The following ACACA variants were observed in gnomAD, a reference collection of about 807,000 sequenced individuals.
The protein encoded by ACACA is acetyl-CoA carboxylase 1.
In ACACA, 103 loss-of-function variants were observed where a neutral mutation model predicts 296.1. The ratio of observed to expected loss-of-function variants is 0.35; its 90% CI spans 0.30 to 0.41. The LOEUF is 0.41. ACACA is among the 10% of genes least tolerant of loss of function. The pLI is 1.00. For synonymous variants in ACACA, 953 were observed against 1,038.6 expected, an observed-to-expected ratio of 0.92 and a Z score of 1.58; for missense variants, 1,554 against 2,989.7, an observed-to-expected ratio of 0.52 and a Z score of 11.20.
rs1312079133 is a variant in ACACA at position 37,390,307 on chromosome 17, T to TATATA, written c.38+15950_38+15954dup. 4.7e-5 allele frequency among the ~76,000 whole-genome samples: 2 copies of TATATA among 42,972 alleles called. 1 individual carries two copies. The highest frequency in any genetic ancestry group is 6.8e-5 in the Non-Finnish European group (2 of 29,336). The allele number at this position is 42,972 out of a possible 152,430, so 28.2% of individuals were successfully genotyped here. ...TATAATTATATATTATACATAATTA[T>TATATA]ATATATATATATATATATATATATA... On this transcript the variant is annotated intron_variant, in intron 1 of 55. Coordinates refer to ENST00000616317, the MANE Select transcript of ACACA (RefSeq NM_198834.3).
intron 14 of ACACA, among the ~76,000 whole-genome samples, chr17:37,254,886 A>G (rs2081158363): frequency 6.6e-6 from 1 of 151,964 alleles, no homozygotes; most frequent in Non-Finnish European, 1.5e-5. Flanking sequence ...AAAAAAGAAT[A>G]AATGAATGAA....
intron 1 of ACACA, among the ~76,000 whole-genome samples, chr17:37,361,528 G>C (rs2049404823): frequency 6.6e-6 from 1 of 151,954 alleles, no homozygotes; most frequent in South Asian, 2.1e-4. Context: ...AGAAGCTACA[G>C]TGAAAAAAAA....
chr17:37,280,009 G>A (rs552209411), intron 5 of ACACA, among the ~76,000 whole-genome samples: 6 of 152,008 alleles, frequency 3.9e-5, no homozygotes, highest in African/African-American at 9.7e-5. Context: ...GTCTCTGTAC[G>A]GCTGTCCAAT....
intron 52 of ACACA, among the ~76,000 whole-genome samples, chr17:37,110,944 A>C (rs2073940742): frequency 6.6e-6 from 1 of 152,166 alleles, no homozygotes; most frequent in Admixed American, 6.5e-5. Flanking sequence ...CCTATGTTCA[A>C]ATTGCCAAGT....
intron 45 of ACACA, among the ~76,000 whole-genome samples, chr17:37,145,762 A>G (rs1479807684): frequency 6.6e-6 from 1 of 152,258 alleles, no homozygotes; most frequent in South Asian, 2.1e-4. Flanking sequence ...CTGAATTTCA[A>G]GCAAACCCAC....
chr17:37,116,796 C>G (rs1041706074), intron 50 of ACACA, among the ~76,000 whole-genome samples: 4 of 152,166 alleles, frequency 2.6e-5, no homozygotes, highest in African/African-American at 9.7e-5. Context: ...GAAATCCCTT[C>G]GTATTTAAGA....
At chr17:37,374,491 T>C (rs2049922707) in intron 1 of ACACA, among the ~76,000 whole-genome samples, 1 of 152,086 alleles carries the variant, frequency 6.6e-6, no homozygotes, top group African/African-American at 2.4e-5. Flanking sequence ...TTCTCCATGT[T>C]GGTCAGGCTG....
chr17:37,274,168 T>A (rs1443090349), intron 9 of ACACA, 25 bp downstream of exon 9: 1 of 1,578,104 alleles, frequency 6.3e-7, no homozygotes, highest in Admixed American at 1.7e-5. Context: ...CTGAAAGGTA[T>A]CACTCCCTGG....
intron 3 of ACACA, among the ~76,000 whole-genome samples, chr17:37,289,161 G>T (rs2082929127): frequency 6.6e-6 from 1 of 151,950 alleles, no homozygotes; most frequent in African/African-American, 2.4e-5. Flanking sequence ...TACTTGGGAG[G>T]CTGAGCAGGA....
At chr17:37,200,389 T>C (rs202210071) in intron 34 of ACACA, 38 bp downstream of exon 34, 2 of 1,550,412 alleles carry the variant, frequency 1.3e-6, no homozygotes, top group East Asian at 2.2e-5. Context: ...AGCAGCAGCA[T>C]AAGAAATATT....
chr17:37,252,558 A>G (rs1187045948), intron 15 of ACACA, among the ~76,000 whole-genome samples: 1 of 152,238 alleles, frequency 6.6e-6, no homozygotes, highest in Non-Finnish European at 1.5e-5. Context: ...CTTGATCTAA[A>G]TGAGGCCTCT....
intron 1 of ACACA, among the ~76,000 whole-genome samples, chr17:37,359,913 TAAG>T (rs1275160733): frequency 4.6e-5 from 7 of 151,740 alleles, no homozygotes; most frequent in African/African-American, 1.7e-4. Flanking sequence ...CGAAGCTCAG[TAAG>T]AAGGGGAATG....
At chr17:37,365,185 C>T (rs1355088439) in intron 1 of ACACA, among the ~76,000 whole-genome samples, 4 of 152,148 alleles carry the variant, frequency 2.6e-5, no homozygotes, top group African/African-American at 9.7e-5. Context: ...TCTCAAACAC[C>T]TGACCTCAAA....
At chr17:37,356,527 T>C (rs1000261654) in intron 1 of ACACA, among the ~76,000 whole-genome samples, 1 of 152,020 alleles carries the variant, frequency 6.6e-6, no homozygotes, top group Non-Finnish European at 1.5e-5. Flanking sequence ...TGCAGGTGCC[T>C]ACCACCACAC....
chr17:37,337,040 T>C (rs1291019344), intron 2 of ACACA, among the ~76,000 whole-genome samples: 3 of 152,088 alleles, frequency 2.0e-5, no homozygotes, highest in Non-Finnish European at 4.4e-5. Flanking sequence ...TTGTTAGAAG[T>C]GCAAATTTCT....
Position 37,372,036 on chromosome 17 carries a change from C to T in ACACA, c.39-32186G>A, listed in dbSNP as rs756118324. ...GTTCAAGACCAGCTTCGGCAACATA[C>T]TGAGACCCTGCCTCCATTATTAAAT... On this transcript the variant is annotated intron_variant, in intron 1 of 55. Transcript: ENST00000616317. Among the ~76,000 whole-genome samples the T allele has an allele frequency of 4.6e-5, 7 of 152,162 alleles. No homozygotes were observed. The East Asian group carries it at 5.8e-4, about 13-fold the overall frequency.
intron 1 of ACACA, chr17:37,359,156 A>ACCCGCC: frequency 1.1e-6 from 1 of 889,790 alleles, no homozygotes; most frequent in Non-Finnish European, 1.3e-6. Flanking sequence ...CAGGGGCCTG[A>ACCCGCC]CCCGCCCCCG....
intron 1 of ACACA, among the ~76,000 whole-genome samples, chr17:37,350,151 C>T (rs1180751432): frequency 7.2e-5 from 11 of 151,758 alleles, no homozygotes; most frequent in Non-Finnish European, 1.6e-4. Context: ...AAGTGAGACT[C>T]CGTCTCTATA....
In ACACA at chr17:37,330,388, TG is replaced by T; in HGVS notation, c.122del (p.Pro41HisfsTer10). ...RAHFGGIMDE[P>X]SPLAQPLELN... Reference sequence around the variant, plus strand: ...GCTCCAGAGGTTGGGCCAAGGGAGATGGTTCATCCATTATTCCTCCAAAATG... The same window carrying T: ...GCTCCAGAGGTTGGGCCAAGGGAGATGTTCATCCATTATTCCTCCAAAATG... On this transcript the variant is annotated frameshift_variant, in exon 3 of 56. Transcript: ENST00000616317. LOFTEE classifies it high-confidence loss of function. 3 of 1,614,202 alleles carry T rather than the reference TG, an allele frequency of 1.9e-6. No homozygotes were observed. The highest frequency in any genetic ancestry group is 2.5e-6 in the Non-Finnish European group (3 of 1,180,036).
Sources: gnomAD v4.1 joint callset for allele counts (sites outside exome capture counted in the v4.1 genomes callset) on GRCh38, gnomAD v4.1.1 for gene constraint, MANE v1.5 for transcripts, NCBI Gene and HGNC (gene_info 2026-07-23, HGNC 2026-07-21) for gene names.